Variants in CCDC3 observed in about 807,000 individuals in gnomAD.
CCDC3 encodes coiled-coil domain-containing protein 3.
In CCDC3, 24 loss-of-function variants were observed where a neutral mutation model predicts 21.4. That is an observed-to-expected ratio of 1.12 (90% confidence interval 0.81 to 1.58). The LOEUF (loss-of-function observed/expected upper bound fraction) is 1.58, where lower values mean the gene tolerates loss of function less well. Ranked by LOEUF, CCDC3 falls within the 40% of genes most tolerant of loss-of-function variation. The pLI, the probability that CCDC3 is intolerant of heterozygous loss-of-function variation, is 0.00. For synonymous variants in CCDC3, 186 were observed against 166.0 expected (o/e 1.12, Z -0.93); for missense variants, 425 against 360.9 (o/e 1.18, Z -1.44).
chr10:12,957,373 G>A (rs1835105605), intron 2 of CCDC3, among the ~76,000 whole-genome samples: 2 of 152,140 alleles, frequency 1.3e-5, no homozygotes, highest in South Asian at 2.1e-4. Context: ...TTTACCAACC[G>A]TAACTCGTGT....
intron 2 of CCDC3, among the ~76,000 whole-genome samples, chr10:12,910,160 G>A (rs1400475128): frequency 1.3e-5 from 2 of 152,212 alleles, no homozygotes; most frequent in African/African-American, 4.8e-5. Context: ...TTCTGCTACT[G>A]AACCAAGACA....
chr10:12,914,908 G>A (rs1033516228), intron 2 of CCDC3, among the ~76,000 whole-genome samples: 4 of 151,264 alleles, frequency 2.6e-5, no homozygotes, highest in African/African-American at 9.7e-5. Flanking sequence ...TCTTCTTTTT[G>A]TAGTTCCTTG....
chr10:12,947,546 T>G lies in CCDC3; in HGVS notation c.550-48867A>C, dbSNP rs570450294. Among the ~76,000 whole-genome samples, 9 of 152,308 alleles carry G rather than the reference T, an allele frequency of 5.9e-5. No homozygotes were observed. The East Asian group carries it at 1.7e-3, about 29-fold the overall frequency. On this transcript the variant is annotated intron_variant, in intron 2 of 2. Coordinates refer to ENST00000378825, the MANE Select transcript of CCDC3 (RefSeq NM_031455.4). ...AGGCACTGATAAAATGGCCTGTGAC[T>G]TTGTCACCTCAGCTACAGGCCACCC...
chr10:12,916,199 C>T (rs1177790798), intron 2 of CCDC3, among the ~76,000 whole-genome samples: 2 of 152,098 alleles, frequency 1.3e-5, no homozygotes, highest in Non-Finnish European at 2.9e-5. Context: ...TTTGGGAGGC[C>T]AAGGTGGGCG....
intron 3 of CCDC3, among the ~76,000 whole-genome samples, chr10:13,090,678 G>T (rs1355640472): frequency 1.3e-5 from 2 of 152,186 alleles, no homozygotes; most frequent in East Asian, 1.9e-4. Context: ...CTAAATGTTT[G>T]TGTCCTCCCA....
chr10:13,022,591 G>A (rs994886665), intron 5 of CCDC3, among the ~76,000 whole-genome samples: 1 of 151,984 alleles, frequency 6.6e-6, no homozygotes, highest in Non-Finnish European at 1.5e-5. Flanking sequence ...TTAAAGTAAT[G>A]GCAAAAACTG....
intron 5 of CCDC3, among the ~76,000 whole-genome samples, chr10:13,018,599 G>A (rs772526618): frequency 5.9e-5 from 9 of 152,112 alleles, no homozygotes; most frequent in Non-Finnish European, 1.3e-4. Flanking sequence ...AATCTCACAG[G>A]ATTTTCGTCT....
intron 1 of CCDC3, among the ~76,000 whole-genome samples, chr10:13,000,901 G>A (rs936709273): frequency 9.2e-5 from 14 of 152,212 alleles, no homozygotes; most frequent in African/African-American, 3.4e-4. Flanking sequence ...AAAAACCCAA[G>A]TCAAAGGGAC....
At chr10:12,936,223 C>A (rs1280471369) in intron 2 of CCDC3, among the ~76,000 whole-genome samples, 1 of 152,160 alleles carries the variant, frequency 6.6e-6, no homozygotes, top group East Asian at 1.9e-4. Flanking sequence ...TCACAGTGTA[C>A]AGAATTGTAG....
At chr10:12,983,543 C>T (rs139088563) in intron 2 of CCDC3, among the ~76,000 whole-genome samples, 136 of 150,948 alleles carry the variant, frequency 9.0e-4, no homozygotes, top group African/African-American at 3.1e-3. Context: ...TGCACTCCCA[C>T]CTGGCTTATG....
At chr10:12,902,568 A>G (rs1888660) in intron 2 of CCDC3, among the ~76,000 whole-genome samples, 151,888 of 152,322 alleles carry the variant, frequency 1, 75,729 homozygotes, top group Middle Eastern at 1. Context: ...GTTTTGGAAG[A>G]CTGCTTGCTC....
chr10:13,005,352 C>T (rs1246151912), upstream of CCDC3, among the ~76,000 whole-genome samples: 1 of 152,226 alleles, frequency 6.6e-6, no homozygotes, highest in East Asian at 1.9e-4. Context: ...AAGCCACTTG[C>T]CCATGCAACT....
intron 4 of CCDC3, among the ~76,000 whole-genome samples, chr10:13,069,952 G>C (rs1357283325): frequency 4.6e-5 from 7 of 152,108 alleles, no homozygotes; most frequent in Non-Finnish European, 8.8e-5. Context: ...AACTTTGACA[G>C]GTGCTCTGAA....
rs138759107 is a variant in CCDC3 at position 13,018,633 on chromosome 10, T to C, written c.-1-20121A>G. ...CTTAGTGGGATATTATGATGGACTA[T>C]TGAAAAATGAATAGAGGCCGGGCAC... On this transcript the variant is annotated intron_variant, in intron 5 of 6. Coordinates refer to the CCDC3 transcript ENST00000378839. Among the ~76,000 whole-genome samples the C allele has an allele frequency of 6.6e-3, 1,010 of 152,206 alleles. 8 individuals carry two copies. The highest frequency in any genetic ancestry group is 0.023 in the African/African-American group (953 of 41,552).
intron 2 of CCDC3, among the ~76,000 whole-genome samples, chr10:12,913,774 A>G (rs1003845976): frequency 6.6e-6 from 1 of 152,152 alleles, no homozygotes; most frequent in Non-Finnish European, 1.5e-5. Flanking sequence ...TAATTTGTTG[A>G]AAGTTTTTTT....
chr10:12,951,804 CAAAA>C lies in CCDC3; in HGVS notation c.549+46530_549+46533del, dbSNP rs71924811. Reference sequence around the variant, plus strand: ...TGGACAACAGAGTGAGACTTCATCTCAAAAAAAAAAAAAAAAAAAAAAAGTTGTT... The same window carrying C: ...TGGACAACAGAGTGAGACTTCATCTCAAAAAAAAAAAAAAAAAAAGTTGTT... On this transcript the variant is annotated intron_variant, in intron 2 of 2. Transcript: ENST00000378825. Among the ~76,000 whole-genome samples, 22 of 60,492 alleles carry C rather than the reference CAAAA, an allele frequency of 3.6e-4. No individual in the cohort carries two copies. The South Asian group carries it at 0.011, about 31-fold the overall frequency. 39.7% of individuals were successfully genotyped at this position (60,492 alleles called of 152,430 possible).
intron 2 of CCDC3, among the ~76,000 whole-genome samples, chr10:12,928,450 G>A (rs1336278275): frequency 1.3e-5 from 2 of 152,116 alleles, no homozygotes; most frequent in African/African-American, 4.8e-5. Context: ...TCCTCAATAG[G>A]CTACATCAGC....
At chr10:12,955,115 G>A (rs36050857) in intron 2 of CCDC3, among the ~76,000 whole-genome samples, 12,476 of 152,164 alleles carry the variant, frequency 0.082, 699 homozygotes, top group African/African-American at 0.16. Flanking sequence ...AAAATGCTTA[G>A]AACAATCCTA....
chr10:12,967,535 T>C (rs1045251393), intron 2 of CCDC3, among the ~76,000 whole-genome samples: 3 of 151,912 alleles, frequency 2.0e-5, no homozygotes, highest in East Asian at 1.9e-4. Flanking sequence ...AAAAGTTCAA[T>C]AGAAAATATC....
Sources: gnomAD v4.1 joint callset for allele counts (sites outside exome capture counted in the v4.1 genomes callset) on GRCh38, gnomAD v4.1.1 for gene constraint, MANE v1.5 for transcripts, NCBI Gene and HGNC (gene_info 2026-07-23, HGNC 2026-07-21) for gene names.